EDEM2: variants seen among roughly 807,000 people sequenced by gnomAD.
EDEM2 encodes ER degradation enhancing alpha-mannosidase like protein 2, also known as ER degradation-enhancing alpha-mannosidase-like protein 2.
Under a neutral mutation model 64.8 loss-of-function variants are expected in EDEM2, and 39 were observed. The ratio of observed to expected loss-of-function variants is 0.60; its 90% confidence interval spans 0.47 to 0.79. The LOEUF is 0.79. Ranked by LOEUF, EDEM2 falls within the 30% of genes least tolerant of loss-of-function variation. EDEM2 has a pLI of 0.00. For synonymous variants in EDEM2, 296 were observed against 291.5 expected, an observed-to-expected ratio of 1.02 and a Z score of -0.16; for missense variants, 609 against 731.3, an observed-to-expected ratio of 0.83 and a Z score of 1.93.
intron 5 of EDEM2, among the ~76,000 whole-genome samples, chr20:35,136,217 A>C (rs1569180836): frequency 6.6e-6 from 1 of 152,384 alleles, no homozygotes; most frequent in Non-Finnish European, 1.5e-5. Context: ...AATAAAAAGA[A>C]GAGGAGTGAC....
chr20:35,146,871 C>T lies in EDEM2; in HGVS notation c.172G>A (p.Asp58Asn), dbSNP rs1321392135. Residue 58 changes from aspartate to asparagine, a missense_variant, in exon 2 of 11, where the codon GAT (aspartate) becomes AAT (asparagine). Physicochemically the swap from Asp to Asn is conservative, Grantham distance 23. Coordinates refer to ENST00000374492, the MANE Select transcript of EDEM2 (RefSeq NM_018217.3). ...DSYLENAFPF[D>N]ELRPLTCDGH... is the part of the protein sequence containing the mutation. ...TCACAGGTGAGAGGTCGCAGCTCAT[C>T]GAAGGGAAAGGCATTCTCCAGGTAG... The T allele has an allele frequency of 6.2e-7, 1 of 1,614,136 alleles. No individual in the cohort carries two copies. Among genetic ancestry groups the T allele is most frequent in the Non-Finnish European group, 8.5e-7 (1 of 1,180,022 alleles).
Position 35,115,791 on chromosome 20 carries a change from G to C in EDEM2, c.1379C>G (p.Pro460Arg), listed in dbSNP as rs541452127. 20 of 1,613,790 alleles carry C rather than the reference G, an allele frequency of 1.2e-5. No individual in the cohort carries two copies. The highest frequency in any genetic ancestry group is 1.6e-4 in the Middle Eastern group (1 of 6,084). The change falls in exon 11 of 11, where the codon CCC (proline) becomes CGC (arginine). Residue 460 changes from proline (P) to arginine (R), a missense_variant. Physicochemically the swap from Pro to Arg is moderately radical, Grantham distance 103. Coordinates refer to ENST00000374492, the MANE Select transcript of EDEM2 (RefSeq NM_018217.3). ...NGSTFDAVIT[P>R]YGECILGAGG... ...AGCCCCCAGGATGCACTCCCCATAG[G>C]GGGTGATCACCGCGTCGAAGGTGGA... is the stretch of plus-strand genomic sequence containing the variant.
In EDEM2 at chr20:35,115,880, C is replaced by G. The variant is rs1352130347; in HGVS notation, c.1290G>C (p.Leu430=). The G allele has an allele frequency of 3.1e-6, 5 of 1,613,958 alleles. No individual in the cohort carries two copies. The stretch of plus-strand genomic sequence containing the variant: ...GGTAGAGGTATTTCACAGTCTCGGC[C>G]AGGAAGAACGACTCCATGCGGTTGT... ...KLDNRMESFF[L]AETVKYLYLL... Residue 430 remains leucine, a synonymous_variant, in exon 11 of 11, where the codon CTG becomes CTC. Coordinates refer to ENST00000374492, the MANE Select transcript of EDEM2 (RefSeq NM_018217.3).
chr20:35,141,792 G>C (rs1395652434), intron 4 of EDEM2, among the ~76,000 whole-genome samples: 1 of 114,024 alleles, frequency 8.8e-6, no homozygotes, highest in Non-Finnish European at 1.8e-5. Context: ...TTAACCACTT[G>C]GGAGTGGTTC....
Position 35,123,988 on chromosome 20 carries a change from T to C in EDEM2, c.1016A>G (p.Tyr339Cys). ...IDNAMRTFLNYYTVWKQFGGL... is the reference protein window; with the variant it reads ...IDNAMRTFLNCYTVWKQFGGL... Reference sequence around the variant, plus strand: ...CCCAAACTGCTTCCATACAGTGTAGTAGTTGAGGAAGGTCCTCATGGCATT... The same window carrying C: ...CCCAAACTGCTTCCATACAGTGTAGCAGTTGAGGAAGGTCCTCATGGCATT... Residue 339 changes from tyrosine (Y) to cysteine (C), a missense_variant, in exon 9 of 11, where the codon TAC becomes TGC. Coordinates refer to ENST00000374492, the MANE Select transcript of EDEM2 (RefSeq NM_018217.3). The C allele has an allele frequency of 6.2e-7, 1 of 1,614,038 alleles. No individual in the cohort carries two copies. The highest frequency in any genetic ancestry group is 8.5e-7 in the Non-Finnish European group (1 of 1,179,926).
rs773717513 is a variant in EDEM2, at chr20:35,142,511, T to A, written c.259-33A>T. Reference sequence around the variant, plus strand: ...TAAAAAAGAGACCTGACAATGAGGCTCTTACATGCATGGAGGCAGATTCAG... The same window carrying A: ...TAAAAAAGAGACCTGACAATGAGGCACTTACATGCATGGAGGCAGATTCAG... On this transcript the variant is annotated intron_variant, in intron 3 of 10. Transcript: ENST00000374492. 2.0e-6 allele frequency: 3 copies of A among 1,536,052 alleles called. No homozygotes were observed. In the East Asian group the frequency reaches 6.7e-5, roughly 35 times the overall value.
intron 8 of EDEM2, among the ~76,000 whole-genome samples, chr20:35,124,487 A>G (rs537346887): frequency 6.6e-6 from 1 of 151,972 alleles, no homozygotes; most frequent in African/African-American, 2.4e-5. Flanking sequence ...TACAGCCTTG[A>G]CCTCCTGGGC....
chr20:35,125,766 G>A (rs775759580), intron 8 of EDEM2, among the ~76,000 whole-genome samples: 78 of 152,300 alleles, frequency 5.1e-4, no homozygotes, highest in Non-Finnish European at 9.6e-4. Flanking sequence ...TAAAAACGTA[G>A]ATTATAAAAA....
At chr20:35,124,059 C>G (rs371459406) in intron 8 of EDEM2, 25 bp from the exon 9 acceptor site, 1 of 1,605,890 alleles carries the variant, frequency 6.2e-7, no homozygotes, top group Non-Finnish European at 8.5e-7. Flanking sequence ...GGCTGTCAGG[C>G]AGGTAGACAC....
intron 6 of EDEM2, among the ~76,000 whole-genome samples, chr20:35,132,381 G>A (rs544387696): frequency 2.0e-5 from 3 of 152,032 alleles, no homozygotes; most frequent in Admixed American, 2.0e-4. Flanking sequence ...GGCCAGGCGC[G>A]GTGGCTCATG....
intron 10 of EDEM2, among the ~76,000 whole-genome samples, chr20:35,118,012 T>C (rs2085328111): frequency 6.6e-6 from 1 of 152,178 alleles, no homozygotes; most frequent in Admixed American, 6.5e-5. Context: ...TCTTCCCACT[T>C]TTCTCCTTGC....
chr20:35,144,830 G>A (rs1449746698), intron 3 of EDEM2, 149 bp downstream of exon 3: 1 of 822,750 alleles, frequency 1.2e-6, no homozygotes, highest in African/African-American at 1.7e-5. Context: ...ATCTAGCTAG[G>A]CAACCACAGC....
chr20:35,137,881 TGGGAGGAGTTTTC>T lies in EDEM2; in HGVS notation c.476_488del (p.Arg159GlnfsTer14). ...GCCCCATCTCTGTGTGGGTCTTACC[TGGGAGGAGTTTTC>T]GGGCCGCCTCCTCAGCCATTCTCAG... On this transcript the variant is annotated frameshift_variant and splice_region_variant, in exon 5 of 11. Coordinates refer to ENST00000374492, the MANE Select transcript of EDEM2 (RefSeq NM_018217.3). LOFTEE classifies it high-confidence loss of function. 6.2e-7 allele frequency: 1 copy of T among 1,614,002 alleles called. No individual in the cohort carries two copies. The highest frequency in any genetic ancestry group is 8.5e-7 in the Non-Finnish European group (1 of 1,179,920).
Position 35,131,765 on chromosome 20 carries a change from C to A in EDEM2, c.721G>T (p.Val241Leu). ...TGGGCCACCCACTTGCCAGTGAGCA[C>A]ATCAATGTGGTTGCCGACCTGAGAG... ...DIGLVGNHIDVLTGKWVAQDA... is the reference protein window; with the variant it reads ...DIGLVGNHIDLLTGKWVAQDA... The change falls in exon 7 of 11, where the codon GTG (valine) becomes TTG (leucine). Residue 241 changes from valine to leucine, a missense_variant. Physicochemically the swap from Val to Leu is conservative, Grantham distance 32. Coordinates refer to ENST00000374492, the MANE Select transcript of EDEM2 (RefSeq NM_018217.3). 1 of 1,614,014 alleles carries A rather than the reference C, an allele frequency of 6.2e-7. No homozygotes were observed. The highest frequency in any genetic ancestry group is 1.1e-5 in the South Asian group (1 of 91,086).
chr20:35,116,942 A>G (rs1314765172), intron 10 of EDEM2, among the ~76,000 whole-genome samples: 1 of 152,046 alleles, frequency 6.6e-6, no homozygotes, highest in Non-Finnish European at 1.5e-5. Context: ...GGCACATGCC[A>G]CCACACCCAG....
intron 10 of EDEM2, among the ~76,000 whole-genome samples, chr20:35,117,421 C>T (rs2085321768): frequency 6.6e-6 from 1 of 152,190 alleles, no homozygotes; most frequent in Admixed American, 6.5e-5. Flanking sequence ...AAAGGTCAGA[C>T]CCCTGTTCCC....
At chr20:35,142,097 T>C (rs1396860288) in intron 4 of EDEM2, among the ~76,000 whole-genome samples, 1 of 152,188 alleles carries the variant, frequency 6.6e-6, no homozygotes, top group Non-Finnish European at 1.5e-5. Flanking sequence ...CATAGCTGTA[T>C]GCCTAGTATC....
chr20:35,131,583 CA>C, intron 7 of EDEM2, 58 bp downstream of exon 7: 1 of 1,586,354 alleles, frequency 6.3e-7, no homozygotes, highest in East Asian at 2.3e-5. Flanking sequence ...AGTTTTTAAA[CA>C]AATCACACAT....
chr20:35,143,447 T>C (rs80118048), intron 3 of EDEM2, among the ~76,000 whole-genome samples: 2,977 of 152,278 alleles, frequency 0.02, 78 homozygotes, highest in African/African-American at 0.058. Context: ...CTAACGATAC[T>C]AGAATGCAAA....
Sources: gnomAD v4.1 joint callset for allele counts (sites outside exome capture counted in the v4.1 genomes callset) on GRCh38, gnomAD v4.1.1 for gene constraint, MANE v1.5 for transcripts, NCBI Gene and HGNC (gene_info 2026-07-23, HGNC 2026-07-21) for gene names.